The following HMCN2 variants were observed in gnomAD, a reference collection of about 807,000 sequenced individuals.
HMCN2 encodes hemicentin-2.
In HMCN2, 325 loss-of-function variants were observed where a neutral mutation model predicts 377.5. The ratio of observed to expected loss-of-function variants is 0.86; its 90% CI spans 0.79 to 0.94. The LOEUF is 0.94. Among genes scored for constraint, HMCN2 ranks in the 40% least tolerant of loss-of-function variants. The pLI is 0.00. For missense variants in HMCN2, 4,543 were observed against 4,725.3 expected (o/e 0.96, Z 1.13); for synonymous variants, 2,007 against 2,046.8 (o/e 0.98, Z 0.53).
At chr9:130,324,515 C>T (rs935212046) in intron 19 of HMCN2, among the ~76,000 whole-genome samples, 2 of 152,162 alleles carry the variant, frequency 1.3e-5, no homozygotes, top group African/African-American at 4.8e-5. Context: ...ACTGAAGACA[C>T]GTCATCATCA....
chr9:130,384,377 G>A lies in HMCN2; in HGVS notation c.8835G>A (p.Pro2945=), dbSNP rs1210247061. ...CCGTGGTGGCTGTGGGGATAGTCCCGCCACGAATCGCAGGCCTGGACTTGG... is the reference window on the plus strand; with the variant it reads ...CCGTGGTGGCTGTGGGGATAGTCCCACCACGAATCGCAGGCCTGGACTTGG... The part of the protein sequence containing the change: ...EKLFTLRVQV[P]PRIAGLDLEQ... Residue 2945 remains proline (P), a synonymous_variant, in exon 58 of 98, where the codon CCG becomes CCA. Transcript: ENST00000683500. 1.5e-5 allele frequency: 19 copies of A among 1,296,756 alleles called. No homozygotes were observed. The East Asian group carries it at 2.2e-4, about 15-fold the overall frequency. 80.3% of individuals were successfully genotyped at this position (1,296,756 alleles called of 1,614,324 possible). A position where few individuals can be genotyped will look rare whatever the true frequency, so the allele number is the denominator to read the frequency against.
chr9:130,367,586 T>C (rs1037858470), intron 43 of HMCN2, among the ~76,000 whole-genome samples: 27 of 152,174 alleles, frequency 1.8e-4, no homozygotes, highest in South Asian at 2.1e-4. Context: ...AAGTGGATGG[T>C]CGTTCCTTCA....
chr9:130,285,574 A>G (rs959821177), intron 3 of HMCN2, among the ~76,000 whole-genome samples: 2 of 152,172 alleles, frequency 1.3e-5, no homozygotes, highest in Non-Finnish European at 2.9e-5. Flanking sequence ...GTTGGAGACC[A>G]TACCACCTAC....
In HMCN2 at chr9:130,396,271, G is replaced by A. The variant is rs757393046; in HGVS notation, c.11156G>A (p.Ser3719Asn). The change falls in exon 73 of 98, where the codon AGC (serine) becomes AAC (asparagine). Residue 3719 changes from serine (S) to asparagine (N), a missense_variant. This residue lies in a region of HMCN2 where 1,073 missense variants were observed against 1,319.5 expected (regional missense o/e 0.81). Transcript: ENST00000683500. ...QADGVPAPLV[S>N]WRKDRVPLDP... ...GACGGCGTGCCCGCACCCCTCGTGA[G>A]CTGGCGGAAGGACAGGGTCCCCCTG... 2.3e-6 allele frequency: 3 copies of A among 1,285,022 alleles called. No individual in the cohort carries two copies. The highest frequency in any genetic ancestry group is 2.1e-4 in the Middle Eastern group (1 of 4,684). The allele number at this position is 1,285,022 out of a possible 1,614,324, so 79.6% of individuals were successfully genotyped here.
intron 21 of HMCN2, among the ~76,000 whole-genome samples, chr9:130,326,461 C>T (rs1279068814): frequency 3.3e-5 from 5 of 152,132 alleles, no homozygotes; most frequent in Admixed American, 6.5e-5. Flanking sequence ...CTGTCTCCTT[C>T]GCTGCCGTCC....
At position 130,293,223 on chromosome 9, in the gene HMCN2, A is replaced by T. The variant is rs950615635; in HGVS notation, c.613-1632A>T. ...TTGCTTTATCCAACAAGATATATAA[A>T]ATGGGTTCAAAATCACAGTGCTGAT... On this transcript the variant is annotated intron_variant, in intron 4 of 97. Transcript: ENST00000683500. Among the ~76,000 whole-genome samples, 13 of 148,948 alleles carry T rather than the reference A, an allele frequency of 8.7e-5. No individual in the cohort carries two copies. In the Admixed American group the frequency reaches 8.8e-4, roughly 10 times the overall value.
rs1159008024 is a variant in HMCN2 at position 130,360,518 on chromosome 9, C to A, written c.5864C>A (p.Ala1955Asp). 1 of 1,303,938 alleles carries A rather than the reference C, an allele frequency of 7.7e-7. No individual in the cohort carries two copies. The highest frequency in any genetic ancestry group is 1.2e-5 in the South Asian group (1 of 81,022). 80.8% of individuals were successfully genotyped at this position (1,303,938 alleles called of 1,614,324 possible). Residue 1955 changes from alanine (A) to aspartate (D), a missense_variant, in exon 38 of 98, where the codon GCC (alanine) becomes GAC (aspartate). Ala to Asp is a moderately radical substitution (Grantham distance 126). Around this residue, in one of 5 missense-constraint regions of HMCN2, gnomAD observed 1,032 missense variants for 1,285.1 expected, o/e 0.80. Coordinates refer to ENST00000683500, the MANE Select transcript of HMCN2 (RefSeq NM_001291815.2). This position sits in a 1 kb window ranked among gnomAD's most constrained non-coding sequence, Gnocchi z 4.7. Reference protein sequence around the residue: ...VDGRVLRIEQAQLSDAGSYRC... With the variant: ...VDGRVLRIEQDQLSDAGSYRC... ...GGGAGAGTTCTCCGCATTGAGCAAG[C>A]CCAGCTTTCTGATGCTGGGAGCTAC...
In HMCN2 at chr9:130,358,431, T is replaced by C. The variant is rs761621928; in HGVS notation, c.5622T>C (p.Cys1874=). The change falls in exon 36 of 98, where the codon TGT becomes TGC. Residue 1874 remains cysteine, a synonymous_variant. Transcript: ENST00000683500. ...VDLRDEGIYT[C]AATNLAGESK... Reference sequence around the variant, plus strand: ...TGAGGGACGAGGGCATCTACACTTGTGCTGCTACCAACCTGGCTGGGGAGA... The same window carrying C: ...TGAGGGACGAGGGCATCTACACTTGCGCTGCTACCAACCTGGCTGGGGAGA... The C allele has an allele frequency of 3.1e-6, 4 of 1,304,358 alleles. No individual in the cohort carries two copies. The South Asian group carries it at 4.9e-5, about 16-fold the overall frequency. 80.8% of individuals were successfully genotyped at this position (1,304,358 alleles called of 1,614,324 possible). A position where few individuals can be genotyped will look rare whatever the true frequency, so the allele number is the denominator to read the frequency against.
rs1386962378 is a variant in HMCN2, at chr9:130,429,701, C to T, written c.14326+16C>T. On this transcript the variant is annotated intron_variant, in intron 94 of 97. Coordinates refer to ENST00000683500, the MANE Select transcript of HMCN2 (RefSeq NM_001291815.2). ...CCCTGCCTAGGTACGGGGACACCCA[C>T]CCTCTGGCCACACCGCTGCAGCTGC... is the stretch of plus-strand genomic sequence containing the variant. 10 of 1,318,860 alleles carry T rather than the reference C, an allele frequency of 7.6e-6. No individual in the cohort carries two copies. In the East Asian group the frequency reaches 2.5e-4, roughly 33 times the overall value. The allele number at this position is 1,318,860 out of a possible 1,614,324, so 81.7% of individuals were successfully genotyped here.
chr9:130,332,020 C>T (rs1838458050), intron 22 of HMCN2, among the ~76,000 whole-genome samples: 2 of 152,180 alleles, frequency 1.3e-5, no homozygotes, highest in African/African-American at 2.4e-5. Context: ...ACCACTGGGC[C>T]GGCTCATTAG....
intron 25 of HMCN2, among the ~76,000 whole-genome samples, chr9:130,345,799 G>A (rs1204325875): frequency 2.0e-5 from 3 of 151,922 alleles, no homozygotes; most frequent in African/African-American, 4.8e-5. Flanking sequence ...CATGGAGCAG[G>A]GCCCTGGGCC....
At chr9:130,352,101 T>G (rs1429854145) in intron 30 of HMCN2, among the ~76,000 whole-genome samples, 1 of 152,212 alleles carries the variant, frequency 6.6e-6, no homozygotes, top group Non-Finnish European at 1.5e-5. Flanking sequence ...CGTGAGTCAC[T>G]GTACCTGGCC....
At chr9:130,352,896 C>A (rs780257575) in intron 30 of HMCN2, 31 bp from the exon 31 acceptor site, 1 of 1,235,478 alleles carries the variant, frequency 8.1e-7, no homozygotes, top group Non-Finnish European at 1.0e-6. Flanking sequence ...CAGCGGCTGC[C>A]TGTGACCAGC....
intron 81 of HMCN2, 74 bp downstream of exon 81, chr9:130,405,133 A>G (rs1406589519): frequency 7.6e-6 from 8 of 1,057,348 alleles, no homozygotes; most frequent in African/African-American, 1.7e-5. Context: ...TGCGCTGAGC[A>G]CTATGCAGCC....
chr9:130,384,271 A>G (rs1588361599), intron 57 of HMCN2, 102 bp from the exon 58 acceptor site: 1 of 979,140 alleles, frequency 1.0e-6, no homozygotes, highest in East Asian at 6.2e-5. Flanking sequence ...GCCGAGGTGA[A>G]GCCCCAGGAG....
At chr9:130,382,030 G>T (rs73670541) in intron 54 of HMCN2, among the ~76,000 whole-genome samples, 154 bp from the exon 55 acceptor site, 1,876 of 152,208 alleles carry the variant, frequency 0.012, 43 homozygotes, top group African/African-American at 0.043. Context: ...CACTCCACCC[G>T]TGAGCTGGGC....
At chr9:130,400,693 C>T in intron 76 of HMCN2, 90 bp from the exon 77 acceptor site, 1 of 986,278 alleles carries the variant, frequency 1.0e-6, no homozygotes, top group Non-Finnish European at 1.3e-6. Context: ...TCACTGATGT[C>T]ACCTTGTGTA....
rs1430031258 is a variant in HMCN2, at chr9:130,348,648, G to T, written c.4128G>T (p.Glu1376Asp). The T allele has an allele frequency of 7.7e-7, 1 of 1,297,998 alleles. No individual in the cohort carries two copies. Among genetic ancestry groups the T allele is most frequent in the African/African-American group, 1.5e-5 (1 of 64,878 alleles). The allele number at this position is 1,297,998 out of a possible 1,614,324, so 80.4% of individuals were successfully genotyped here. ...ECDANGFPVP[E>D]IVWLKDAQLI... ...ACGCGAACGGCTTTCCAGTCCCTGA[G>T]ATCGTGTGGCTGAAGGACGCGCAGC... is the stretch of plus-strand genomic sequence containing the variant. The change falls in exon 27 of 98, where the codon GAG becomes GAT. Residue 1376 changes from glutamate to aspartate, a missense_variant. By Grantham distance (45) the Glu-to-Asp change is conservative (BLOSUM62 2). This residue lies in a region of HMCN2 where 1,032 missense variants were observed against 1,285.1 expected (regional missense o/e 0.80). Transcript: ENST00000683500.
Position 130,394,672 on chromosome 9 carries a change from C to G in HMCN2, c.10692+97C>G. ...CCAGTGGGCAGTTGACAAAGTTGGG[C>G]TGAAGCACCTCCTCTGTGTGGGGTG... On this transcript the variant is annotated intron_variant, in intron 69 of 97. Coordinates refer to ENST00000683500, the MANE Select transcript of HMCN2 (RefSeq NM_001291815.2). This position sits in a 1 kb window ranked among gnomAD's most constrained non-coding sequence, Gnocchi z 5.1. 1.0e-6 allele frequency: 1 copy of G among 955,192 alleles called. No homozygotes were observed. Among genetic ancestry groups the G allele is most frequent in the Non-Finnish European group, 1.4e-6 (1 of 716,608 alleles). 59.2% of individuals were successfully genotyped at this position (955,192 alleles called of 1,614,324 possible). A position where few individuals can be genotyped will look rare whatever the true frequency, so the allele number is the denominator to read the frequency against.
Sources: allele counts gnomAD v4.1 joint callset (sites outside exome capture counted in the v4.1 genomes callset), GRCh38; gene constraint gnomAD v4.1.1; regional missense constraint gnomAD v4.1.1; non-coding constraint Gnocchi (gnomAD v3.1); transcripts MANE v1.5; gene names NCBI Gene and HGNC (gene_info 2026-07-23, HGNC 2026-07-21).